FIGNL2: variants seen among roughly 807,000 people sequenced by gnomAD.
FIGNL2 encodes the protein fidgetin like 2, also known as fidgetin-like protein 2.
For missense variants in FIGNL2, 1,060 were observed against 950.2 expected (o/e 1.12, Z -1.52); for synonymous variants, 565 against 484.0 (o/e 1.17, Z -2.20).
At chr12:51,847,818 G>A (rs1007544189) in intron 1 of FIGNL2, 14 of 985,174 alleles carry the variant, frequency 1.4e-5, no homozygotes, top group Non-Finnish European at 1.7e-5. Flanking sequence ...GGGCTCTTGC[G>A]GTGGGGAAGT....
intron 1 of FIGNL2, chr12:51,847,818 G>T (rs1007544189): frequency 2.0e-6 from 2 of 985,292 alleles, no homozygotes; most frequent in Non-Finnish European, 2.4e-6. Flanking sequence ...GGGCTCTTGC[G>T]GTGGGGAAGT....
chr12:51,845,088 C>T (rs1939722375), intron 1 of FIGNL2, among the ~76,000 whole-genome samples: 1 of 152,182 alleles, frequency 6.6e-6, no homozygotes, highest in South Asian at 2.1e-4. Flanking sequence ...AACGGAAGTG[C>T]ATTTTTCTGG....
intron 1 of FIGNL2, chr12:51,824,542 C>G (rs939208991): frequency 3.9e-5 from 6 of 152,328 alleles, no homozygotes; most frequent in Middle Eastern, 3.4e-3. Context: ...TGTCCTGCCC[C>G]CATTTGAGAG....
chr12:51,827,748 A>G (rs900113033), intron 1 of FIGNL2, among the ~76,000 whole-genome samples: 2 of 152,212 alleles, frequency 1.3e-5, no homozygotes, highest in Non-Finnish European at 2.9e-5. Flanking sequence ...TTCCAGTTCT[A>G]ATATGACGGG....
rs971677548 is a variant in FIGNL2 at position 51,820,399 on chromosome 12, G to A, written c.*53C>T. On this transcript the variant is annotated 3_prime_UTR_variant, in exon 2 of 2. Transcript: ENST00000618634. Reference sequence around the variant, plus strand: ...TTAGTCAGTGACATCCCTCCCACGCGGAGGCGGCGGGGACGGAGGGACTGC... The same window carrying A: ...TTAGTCAGTGACATCCCTCCCACGCAGAGGCGGCGGGGACGGAGGGACTGC... 2 of 1,543,490 alleles carry A rather than the reference G, an allele frequency of 1.3e-6. No homozygotes were observed. Among genetic ancestry groups the A allele is most frequent in the African/African-American group, 1.4e-5 (1 of 73,358 alleles).
chr12:51,835,538 C>T (rs1939565950), intron 1 of FIGNL2: 1 of 152,176 alleles, frequency 6.6e-6, no homozygotes, highest in South Asian at 2.1e-4. Flanking sequence ...CCTGTACTGT[C>T]CAATGACAGG....
At chr12:51,826,901 C>T (rs1024461840) in intron 1 of FIGNL2, among the ~76,000 whole-genome samples, 3 of 152,212 alleles carry the variant, frequency 2.0e-5, no homozygotes, top group Non-Finnish European at 4.4e-5. Flanking sequence ...TATGTGCACA[C>T]CACCAGGGAT....
At chr12:51,846,363 A>G (rs1029076949) in intron 1 of FIGNL2, among the ~76,000 whole-genome samples, 3 of 152,218 alleles carry the variant, frequency 2.0e-5, no homozygotes, top group Admixed American at 6.5e-5. Context: ...AAAGACAGGG[A>G]CAATGAGGAA....
At chr12:51,830,637 GC>G (rs1555233698) in intron 1 of FIGNL2, among the ~76,000 whole-genome samples, 4 of 150,406 alleles carry the variant, frequency 2.7e-5, no homozygotes, top group Non-Finnish European at 5.9e-5. Context: ...GATTACAGGC[GC>G]CCACCACTAC....
At chr12:51,847,164 TGA>T (rs1318524637) in intron 1 of FIGNL2, 2 of 985,240 alleles carry the variant, frequency 2.0e-6, no homozygotes, top group Non-Finnish European at 2.4e-6. Flanking sequence ...GGTTCCGGAC[TGA>T]GAGGCTCGGG....
At chr12:51,845,768 C>A in intron 1 of FIGNL2, 2 of 569,236 alleles carry the variant, frequency 3.5e-6, no homozygotes, top group Non-Finnish European at 4.2e-6. Flanking sequence ...TGGCAGCAGT[C>A]GGAGCTTGGG....
At chr12:51,847,147 T>C in intron 1 of FIGNL2, 3 of 985,346 alleles carry the variant, frequency 3.0e-6, no homozygotes, top group Non-Finnish European at 3.6e-6. Context: ...CAGCGGGGAA[T>C]GGCGTCGGTT....
rs1008011589 is a variant in FIGNL2 at position 51,843,169 on chromosome 12, C to G, written c.-12+5371G>C. ...CAGGAAGGCCAATCCTGGCTGGACA[C>G]CCGCGGGAGCAGCTGAGGTTCACCC... On this transcript the variant is annotated intron_variant, in intron 1 of 1. Transcript: ENST00000618634. 1.2e-4 allele frequency among the ~76,000 whole-genome samples: 19 copies of G among 152,142 alleles called. 1 individual carries two copies. The highest frequency in any genetic ancestry group is 2.9e-5 in the Non-Finnish European group (2 of 68,030).
rs1025427945 is a variant in FIGNL2, at chr12:51,825,315, C to T, written c.-11-2891G>A. On this transcript the variant is annotated intron_variant, in intron 1 of 1. Transcript: ENST00000618634. Reference sequence around the variant, plus strand: ...ACTTGTCCACACACATCTTCCCCACCGCCAGCCCCTATGCTCCTAAAGCTG... The same window carrying T: ...ACTTGTCCACACACATCTTCCCCACTGCCAGCCCCTATGCTCCTAAAGCTG... 7.5e-4 allele frequency among the ~76,000 whole-genome samples: 114 copies of T among 152,124 alleles called. 1 individual carries two copies. Among genetic ancestry groups the T allele is most frequent in the Non-Finnish European group, 2.4e-4 (16 of 68,026 alleles).
In FIGNL2 at chr12:51,820,543, T is replaced by G. The variant is rs1360048163; in HGVS notation, c.1871A>C (p.Glu624Ala). The change falls in exon 2 of 2, where the codon GAG becomes GCG. Residue 624 changes from glutamate (E) to alanine (A), a missense_variant. Coordinates refer to ENST00000618634, the MANE Select transcript of FIGNL2 (RefSeq NM_001384995.1). Reference sequence around the variant, plus strand: ...AGGGCCCACCTTGGCCAGCGCCGCCTCCAGGTCCTTGTAGGAGAGGGGGCG... The same window carrying G: ...AGGGCCCACCTTGGCCAGCGCCGCCGCCAGGTCCTTGTAGGAGAGGGGGCG... ...LQRPLSYKDL[E>A]AALAKVGPRA... 2 of 1,545,932 alleles carry G rather than the reference T, an allele frequency of 1.3e-6. No homozygotes were observed. Among genetic ancestry groups the G allele is most frequent in the South Asian group, 2.4e-5 (2 of 84,778 alleles).
chr12:51,820,783 G>T lies in FIGNL2; in HGVS notation c.1631C>A (p.Ala544Glu), dbSNP rs1184389049. The T allele has an allele frequency of 2.7e-6, 4 of 1,479,678 alleles. No homozygotes were observed. In the Admixed American group the frequency reaches 7.1e-5, roughly 26 times the overall value. The allele number at this position is 1,479,678 out of a possible 1,614,324, so 91.7% of individuals were successfully genotyped here. ...TTSRPAALDE[A>E]TRRRFSLRFY... Reference sequence around the variant, plus strand: ...GCGGAGAGAGAAGCGCCGGCGGGTCGCCTCGTCCAGAGCCGCGGGCCGCGA... The same window carrying T: ...GCGGAGAGAGAAGCGCCGGCGGGTCTCCTCGTCCAGAGCCGCGGGCCGCGA... Residue 544 changes from alanine (A) to glutamate (E), a missense_variant, in exon 2 of 2, where the codon GCG (alanine) becomes GAG (glutamate). Ala to Glu is a moderately radical substitution (Grantham distance 107). Coordinates refer to ENST00000618634, the MANE Select transcript of FIGNL2 (RefSeq NM_001384995.1).
chr12:51,826,948 A>G (rs1939358206), intron 1 of FIGNL2, among the ~76,000 whole-genome samples: 1 of 152,244 alleles, frequency 6.6e-6, no homozygotes, highest in Non-Finnish European at 1.5e-5. Context: ...ACATGTGCAT[A>G]TGTTCATGCC....
At chr12:51,837,546 G>A (rs953752503) in intron 1 of FIGNL2, among the ~76,000 whole-genome samples, 5 of 152,248 alleles carry the variant, frequency 3.3e-5, no homozygotes, top group Admixed American at 6.5e-5. Flanking sequence ...CCCTGGGGCC[G>A]CCAGGCCCGA....
At chr12:51,846,955 G>A (rs748350423) in intron 1 of FIGNL2, 193 of 974,728 alleles carry the variant, frequency 2.0e-4, no homozygotes, top group Admixed American at 8.0e-4. Flanking sequence ...TACGAGGCCT[G>A]TCACCCGTCC....
Sources: allele counts gnomAD v4.1 joint callset (sites outside exome capture counted in the v4.1 genomes callset), GRCh38; gene constraint gnomAD v4.1.1; transcripts MANE v1.5; gene names NCBI Gene and HGNC (gene_info 2026-07-23, HGNC 2026-07-21).